Variants in CCM2 observed in about 807,000 individuals in gnomAD.
The protein encoded by CCM2 is CCM2 scaffold protein, also known as cerebral cavernous malformations 2 protein.
CCM2 carries 25 observed loss-of-function variants against 44.9 expected under a neutral mutation model. The observed-to-expected ratio is 0.56, with a 90% CI of 0.41 to 0.78. CCM2 has a LOEUF of 0.78. CCM2 is among the 30% of genes least tolerant of loss of function. CCM2 has a pLI of 0.00. For synonymous variants in CCM2, 219 were observed against 241.1 expected, an observed-to-expected ratio of 0.91 and a Z score of 0.85; for missense variants, 481 against 580.6, an observed-to-expected ratio of 0.83 and a Z score of 1.76.
chr7:45,073,121 C>A (rs748014287), intron 7 of CCM2: 60 of 578,698 alleles, frequency 1.0e-4, no homozygotes, highest in Non-Finnish European at 1.5e-5. Context: ...CCACCTGGGG[C>A]TCTGTAGTAG....
chr7:45,037,180 T>G (rs183273158), intron 1 of CCM2, among the ~76,000 whole-genome samples: 1 of 144,292 alleles, frequency 6.9e-6, no homozygotes, highest in East Asian at 2.3e-4. Flanking sequence ...GCCGCCATTG[T>G]CAAAGGTGGT....
chr7:45,006,860 A>G (rs1795867220), intron 1 of CCM2, among the ~76,000 whole-genome samples: 1 of 152,206 alleles, frequency 6.6e-6, no homozygotes, highest in South Asian at 2.1e-4. Flanking sequence ...TTCAGCATCT[A>G]GACTCTAAGA....
chr7:45,067,045 C>A (rs1583976690), intron 4 of CCM2, among the ~76,000 whole-genome samples: 1 of 152,042 alleles, frequency 6.6e-6, no homozygotes. Context: ...GGACTACAGG[C>A]TCCTGCCACC....
At chr7:45,072,233 G>A in intron 6 of CCM2, 1 of 328,158 alleles carries the variant, frequency 3.0e-6, no homozygotes, top group Non-Finnish European at 6.0e-6. Context: ...GAGGGTCTTG[G>A]GAATCCTGTG....
chr7:45,036,652 T>C (rs1174155206), intron 1 of CCM2, among the ~76,000 whole-genome samples: 1 of 152,222 alleles, frequency 6.6e-6, no homozygotes, highest in Admixed American at 6.5e-5. Flanking sequence ...TTGGCTGCAA[T>C]TGTCTGTGAA....
intron 2 of CCM2, among the ~76,000 whole-genome samples, chr7:45,051,017 T>C (rs73319285): frequency 0.034 from 5,244 of 152,152 alleles, 310 homozygotes; most frequent in African/African-American, 0.12. Flanking sequence ...AAGACAGAAG[T>C]AGCTCAGGGT....
In CCM2 at chr7:45,054,702, G is replaced by A. The variant is rs112601666; in HGVS notation, c.205-9216G>A. On this transcript the variant is annotated intron_variant, in intron 2 of 9. Coordinates refer to ENST00000258781, the MANE Select transcript of CCM2 (RefSeq NM_031443.4). ...AATCCCAGAACTGATGGAGCTGATGGCTGGCTGGTCAGATGTCCCCTTGCT... is the reference window on the plus strand; with the variant it reads ...AATCCCAGAACTGATGGAGCTGATGACTGGCTGGTCAGATGTCCCCTTGCT... 5.2e-3 allele frequency among the ~76,000 whole-genome samples: 786 copies of A among 152,314 alleles called. 10 individuals carry two copies. Among genetic ancestry groups the A allele is most frequent in the African/African-American group, 0.018 (756 of 41,578 alleles).
rs1798652971 is a variant in CCM2, at chr7:45,064,122, G to A, written c.288+121G>A. ...GTCCCATCACATTATGGGTACACTTGGCTCTTGGCCATAAAGACTATTCCT... is the reference window on the plus strand; with the variant it reads ...GTCCCATCACATTATGGGTACACTTAGCTCTTGGCCATAAAGACTATTCCT... On this transcript the variant is annotated intron_variant, in intron 3 of 9. Transcript: ENST00000258781. The A allele has an allele frequency of 1.1e-5, 8 of 707,410 alleles. No individual in the cohort carries two copies. The South Asian group carries it at 1.3e-4, about 12-fold the overall frequency. The allele number at this position is 707,410 out of a possible 1,614,324, so 43.8% of individuals were successfully genotyped here. A position where few individuals can be genotyped will look rare whatever the true frequency, so the allele number is the denominator to read the frequency against.
intron 1 of CCM2, among the ~76,000 whole-genome samples, chr7:45,020,454 C>T (rs977558549): frequency 6.6e-6 from 1 of 152,164 alleles, no homozygotes. Flanking sequence ...GCATTTTTAT[C>T]TGTGGGCTAC....
chr7:45,051,030 T>G (rs1321086913), intron 2 of CCM2, among the ~76,000 whole-genome samples: 1 of 152,108 alleles, frequency 6.6e-6, no homozygotes, highest in African/African-American at 2.4e-5. Flanking sequence ...CTCAGGGTGT[T>G]ACCCATCCAC....
chr7:45,050,305 C>T (rs1436050887), intron 2 of CCM2, among the ~76,000 whole-genome samples: 3 of 152,204 alleles, frequency 2.0e-5, no homozygotes, highest in East Asian at 3.8e-4. Context: ...GTGATGTTCA[C>T]TCAATGATGA....
intron 1 of CCM2, among the ~76,000 whole-genome samples, chr7:45,008,335 G>T (rs1795929410): frequency 6.8e-6 from 1 of 147,970 alleles, no homozygotes; most frequent in East Asian, 2.0e-4. Context: ...GTGCCACCGT[G>T]CCTGGCCAAG....
At chr7:45,043,750 C>G (rs1283568336) in intron 2 of CCM2, 3 of 393,040 alleles carry the variant, frequency 7.6e-6, no homozygotes, top group African/African-American at 2.2e-5. Flanking sequence ...ATTTTTCATG[C>G]CCTTTCATTT....
intron 1 of CCM2, chr7:45,027,298 G>A (rs537933054): frequency 5.9e-4 from 199 of 339,720 alleles, no homozygotes; most frequent in Non-Finnish European, 1.0e-3. Flanking sequence ...CAACAGCACG[G>A]CCTGTTGTCT....
chr7:45,064,912 C>T (rs1334515330), intron 4 of CCM2, among the ~76,000 whole-genome samples: 2 of 152,122 alleles, frequency 1.3e-5, no homozygotes, highest in African/African-American at 4.8e-5. Context: ...TTCCTCTGCC[C>T]GGTGGGGCTC....
intron 2 of CCM2, among the ~76,000 whole-genome samples, chr7:45,047,499 T>C (rs1797813873): frequency 6.6e-6 from 1 of 152,212 alleles, no homozygotes; most frequent in African/African-American, 2.4e-5. Flanking sequence ...ATCATGCCAC[T>C]GTGCTCCATC....
intron 4 of CCM2, among the ~76,000 whole-genome samples, chr7:45,067,160 A>C (rs1241516090): frequency 6.6e-6 from 1 of 151,556 alleles, no homozygotes; most frequent in African/African-American, 2.4e-5. Flanking sequence ...TGGCCTCCCA[A>C]AGTGCTGGGA....
At chr7:45,049,184 T>C (rs1307790993) in intron 2 of CCM2, among the ~76,000 whole-genome samples, 1 of 152,218 alleles carries the variant, frequency 6.6e-6, no homozygotes, top group Non-Finnish European at 1.5e-5. Context: ...CTCGAACTCC[T>C]GTGCTCAAGC....
At chr7:45,073,611 G>A in intron 8 of CCM2, 40 bp downstream of exon 8, 2 of 1,459,374 alleles carry the variant, frequency 1.4e-6, no homozygotes, top group Non-Finnish European at 1.9e-6. Context: ...GCATGAGGGA[G>A]GGGGTGCCCC....
Sources: allele counts gnomAD v4.1 joint callset (sites outside exome capture counted in the v4.1 genomes callset), GRCh38; gene constraint gnomAD v4.1.1; transcripts MANE v1.5; gene names NCBI Gene and HGNC (gene_info 2026-07-23, HGNC 2026-07-21).